KCNJ14: variants seen among roughly 807,000 people sequenced by gnomAD.
KCNJ14 encodes ATP-sensitive inward rectifier potassium channel 14.
In KCNJ14, 18 loss-of-function variants were observed where a neutral mutation model predicts 24.5. The observed-to-expected ratio is 0.74, with a 90% CI of 0.51 to 1.09. The LOEUF is 1.09. KCNJ14 is among the 50% of genes least tolerant of loss of function. The probability of loss-of-function intolerance (pLI) is 0.00; values close to 1 mark genes in which losing one functional copy is unlikely to be tolerated. For synonymous variants in KCNJ14, 288 were observed against 270.8 expected, an observed-to-expected ratio of 1.06 and a Z score of -0.63; for missense variants, 633 against 623.0, an observed-to-expected ratio of 1.02 and a Z score of -0.17.
At position 48,464,450 on chromosome 19, in the gene KCNJ14, CCAT is replaced by C. The variant is rs1264815099; in HGVS notation, c.986_988del (p.His329del). 6.2e-7 allele frequency: 1 copy of C among 1,613,892 alleles called. No homozygotes were observed. The highest frequency in any genetic ancestry group is 1.7e-5 in the Admixed American group (1 of 59,954). Reference sequence around the variant, plus strand: ...ACCTCCCTGGTGAACTGCTCTGGGGCCATCGTTTTGAGCCAGTTCTCTTCCAGC... The same window carrying C: ...ACCTCCCTGGTGAACTGCTCTGGGGCCGTTTTGAGCCAGTTCTCTTCCAGC... On this transcript the variant is annotated inframe_deletion, in exon 3 of 3. Coordinates refer to ENST00000342291, the MANE Select transcript of KCNJ14 (RefSeq NM_013348.4).
In KCNJ14 at chr19:48,466,153, C is replaced by G. The variant is rs902345402; in HGVS notation, c.*1376C>G. 1.3e-5 allele frequency: 2 copies of G among 150,882 alleles called. No individual in the cohort carries two copies. Among genetic ancestry groups the G allele is most frequent in the African/African-American group, 4.9e-5 (2 of 40,998 alleles). 9.3% of individuals were successfully genotyped at this position (150,882 alleles called of 1,614,324 possible). ...GGAGTGCAATGGCGTGATCTCAGCT[C>G]ACTGCAACCTCCGCCTCCCGGCTTC... On this transcript the variant is annotated 3_prime_UTR_variant, in exon 3 of 3. Transcript: ENST00000342291.
intron 1 of KCNJ14, among the ~76,000 whole-genome samples, chr19:48,459,022 C>T (rs1328060262): frequency 2.7e-5 from 4 of 148,898 alleles, no homozygotes; most frequent in African/African-American, 9.9e-5. Flanking sequence ...AGGCGGATCA[C>T]GAGGTCAGGA....
In KCNJ14 at chr19:48,461,547, AAAAT is replaced by A; in HGVS notation, c.-55-122_-55-119del. ...TGTCTCCAAAAAAAAAAAAAAAAAA[AAAAT>A]GCGTATCGTTCCACCTATTTGACAG... On this transcript the variant is annotated intron_variant, in intron 1 of 2. Coordinates refer to ENST00000342291, the MANE Select transcript of KCNJ14 (RefSeq NM_013348.4). 5 of 398,200 alleles carry A rather than the reference AAAAT, an allele frequency of 1.3e-5. No individual in the cohort carries two copies. The South Asian group carries it at 3.2e-4, about 26-fold the overall frequency. The allele number at this position is 398,200 out of a possible 1,614,324, so 24.7% of individuals were successfully genotyped here.
chr19:48,466,957 C>T lies in KCNJ14; in HGVS notation c.*2180C>T, dbSNP rs1971659626. ...GTGTTTTAGGGGGAGACCTGTCCCC[C>T]AGATTAAAGAACTGGGAGCCCTAGC... is the stretch of plus-strand genomic sequence containing the variant. On this transcript the variant is annotated 3_prime_UTR_variant, in exon 3 of 3. Transcript: ENST00000342291. 6.6e-6 allele frequency: 1 copy of T among 152,226 alleles called. No individual in the cohort carries two copies. The highest frequency in any genetic ancestry group is 1.5e-5 in the Non-Finnish European group (1 of 68,056). 9.4% of individuals were successfully genotyped at this position (152,226 alleles called of 1,614,324 possible).
chr19:48,464,090 C>T (rs1971628983), intron 2 of KCNJ14, 91 bp from the exon 3 acceptor site: 3 of 913,124 alleles, frequency 3.3e-6, no homozygotes, highest in South Asian at 2.9e-5. Context: ...TGGTCTTTGC[C>T]TTCTTTCTCT....
chr19:48,462,315 G>T lies in KCNJ14; in HGVS notation c.591G>T (p.Thr197=), dbSNP rs376747285. ...KMAKPKKRNE[T]LVFSENAVVA... The stretch of plus-strand genomic sequence containing the variant: ...CCAAACCCAAGAAGCGCAACGAGAC[G>T]CTGGTCTTCAGCGAGAACGCCGTCG... The change falls in exon 2 of 3, where the codon ACG becomes ACT. Residue 197 remains threonine (T), a synonymous_variant. Transcript: ENST00000342291. This position sits in a 1 kb window ranked among gnomAD's most constrained non-coding sequence, Gnocchi z 4.9. The T allele has an allele frequency of 6.5e-7, 1 of 1,548,040 alleles. No homozygotes were observed. The highest frequency in any genetic ancestry group is 8.7e-7 in the Non-Finnish European group (1 of 1,144,174).
In KCNJ14 at chr19:48,458,753, A is replaced by G. The variant is rs113924308; in HGVS notation, c.-56+2895A>G. 3.0e-4 allele frequency among the ~76,000 whole-genome samples: 45 copies of G among 152,120 alleles called. 3 individuals are homozygous for G. Among genetic ancestry groups the G allele is most frequent in the African/African-American group, 1.1e-3 (44 of 41,506 alleles). ...ATTGGGTTATTTGGCACTAGCCCAC[A>G]TCGTGAAACCCTGTCTCTACTAAAA... On this transcript the variant is annotated intron_variant, in intron 1 of 2. Transcript: ENST00000342291.
At position 48,464,597 on chromosome 19, in the gene KCNJ14, C is replaced by T; in HGVS notation, c.1131C>T (p.Leu377=). 1.9e-6 allele frequency: 3 copies of T among 1,614,170 alleles called. No individual in the cohort carries two copies. Among genetic ancestry groups the T allele is most frequent in the Non-Finnish European group, 2.5e-6 (3 of 1,180,026 alleles). The change falls in exon 3 of 3, where the codon CTC becomes CTT. Residue 377 remains leucine (L), a synonymous_variant. Transcript: ENST00000342291. The stretch of plus-strand genomic sequence containing the variant: ...GGGCAGAGCAGGCTTCCCACAGCCT[C>T]AAGTCTAGTTTCCCCGGCTCTCTGA... The part of the protein sequence containing the change: ...DERAEQASHS[L]KSSFPGSLTA...
chr19:48,462,005 C>A lies in KCNJ14; in HGVS notation c.281C>A (p.Ser94Tyr). ...TGGCGCTGGATGTGCCTGCTCTTCTCCTGCTCCTTCCTCGCCTCCTGGCTG... is the reference window on the plus strand; with the variant it reads ...TGGCGCTGGATGTGCCTGCTCTTCTACTGCTCCTTCCTCGCCTCCTGGCTG... Reference protein sequence around the residue: ...VRWRWMCLLFSCSFLASWLLF... With the variant: ...VRWRWMCLLFYCSFLASWLLF... The change falls in exon 2 of 3, where the codon TCC becomes TAC. Residue 94 changes from serine (S) to tyrosine (Y), a missense_variant. Transcript: ENST00000342291. The surrounding 1 kb of genome is among the most constrained non-coding windows in gnomAD (Gnocchi z 4.9). 1 of 1,612,810 alleles carries A rather than the reference C, an allele frequency of 6.2e-7. No individual in the cohort carries two copies.
At chr19:48,458,144 C>T (rs912366654) in intron 1 of KCNJ14, among the ~76,000 whole-genome samples, 20 of 152,270 alleles carry the variant, frequency 1.3e-4, no homozygotes, top group African/African-American at 4.8e-4. Context: ...ATGAGTAATG[C>T]TGCTGTGAAC....
chr19:48,463,808 C>G (rs1284597387), intron 2 of KCNJ14, among the ~76,000 whole-genome samples: 1 of 152,182 alleles, frequency 6.6e-6, no homozygotes. Context: ...TTCTGTGTCT[C>G]TATGCCAATA....
intron 1 of KCNJ14, among the ~76,000 whole-genome samples, chr19:48,460,247 TATTTA>T (rs1971580547): frequency 6.7e-6 from 1 of 149,762 alleles, no homozygotes; most frequent in Non-Finnish European, 1.5e-5. Context: ...AAGTTTTATT[TATTTA>T]TTTTTTTTGA....
chr19:48,460,306 C>T (rs1350264502), intron 1 of KCNJ14, among the ~76,000 whole-genome samples: 1 of 151,854 alleles, frequency 6.6e-6, no homozygotes, highest in African/African-American at 2.4e-5. Flanking sequence ...TGCAATGGCA[C>T]GATCTCGGCT....
chr19:48,463,236 T>A (rs1681426826), intron 2 of KCNJ14, among the ~76,000 whole-genome samples: 2 of 151,962 alleles, frequency 1.3e-5, no homozygotes, highest in Non-Finnish European at 1.5e-5. Flanking sequence ...CCAAGTAAAG[T>A]GACTTTAGGA....
At chr19:48,459,084 CA>C (rs1009182492) in intron 1 of KCNJ14, among the ~76,000 whole-genome samples, 3 of 149,696 alleles carry the variant, frequency 2.0e-5, no homozygotes, top group East Asian at 2.0e-4. Context: ...ACTAAAAATA[CA>C]AAAAAAATTA....
rs763139395 is a variant in KCNJ14 at position 48,464,276 on chromosome 19, C to T, written c.810C>T (p.Ser270=). ...DGGTDRIFLV[S]PITIVHEIDS... is the part of the protein sequence containing the mutation. ...GCACCGATCGTATCTTCCTCGTGTC[C>T]CCCATCACCATCGTCCATGAGATCG... is the stretch of plus-strand genomic sequence containing the variant. Residue 270 remains serine, a synonymous_variant, in exon 3 of 3, where the codon TCC becomes TCT. Coordinates refer to ENST00000342291, the MANE Select transcript of KCNJ14 (RefSeq NM_013348.4). 1.2e-6 allele frequency: 2 copies of T among 1,614,030 alleles called. No individual in the cohort carries two copies. The highest frequency in any genetic ancestry group is 1.7e-6 in the Non-Finnish European group (2 of 1,179,986).
At position 48,455,576 on chromosome 19, in the gene KCNJ14, G is replaced by T. The variant is rs1971529451; in HGVS notation, c.-338G>T. ...GGGGAGGGGGGTGCCCTGAGCCTGAGTCGCAGCCAGCCTGGGAGCTGGGCC... is the reference window on the plus strand; with the variant it reads ...GGGGAGGGGGGTGCCCTGAGCCTGATTCGCAGCCAGCCTGGGAGCTGGGCC... On this transcript the variant is annotated 5_prime_UTR_variant, in exon 1 of 3. Coordinates refer to ENST00000342291, the MANE Select transcript of KCNJ14 (RefSeq NM_013348.4). 6.6e-6 allele frequency: 1 copy of T among 152,236 alleles called. No individual in the cohort carries two copies. Among genetic ancestry groups the T allele is most frequent in the Non-Finnish European group, 1.5e-5 (1 of 68,072 alleles). The allele number at this position is 152,236 out of a possible 1,614,324, so 9.4% of individuals were successfully genotyped here.
At position 48,461,550 on chromosome 19, in the gene KCNJ14, A is replaced by AAAAAAAG. The variant is rs370425889; in HGVS notation, c.-55-120_-55-119insAAAAAAG. The AAAAAAAG allele has an allele frequency of 8.7e-4, 304 of 351,378 alleles. 26 individuals are homozygous for AAAAAAAG. Among genetic ancestry groups the AAAAAAAG allele is most frequent in the African/African-American group, 6.4e-3 (208 of 32,664 alleles). The allele number at this position is 351,378 out of a possible 1,614,324, so 21.8% of individuals were successfully genotyped here. A position where few individuals can be genotyped will look rare whatever the true frequency, so the allele number is the denominator to read the frequency against. On this transcript the variant is annotated intron_variant, in intron 1 of 2. Coordinates refer to ENST00000342291, the MANE Select transcript of KCNJ14 (RefSeq NM_013348.4). Reference sequence around the variant, plus strand: ...CTCCAAAAAAAAAAAAAAAAAAAAAATGCGTATCGTTCCACCTATTTGACA... The same window carrying AAAAAAAG: ...CTCCAAAAAAAAAAAAAAAAAAAAAAAAAAAAGTGCGTATCGTTCCACCTATTTGACA...
intron 1 of KCNJ14, among the ~76,000 whole-genome samples, chr19:48,458,239 A>G (rs1480868961): frequency 2.6e-5 from 4 of 152,152 alleles, no homozygotes; most frequent in African/African-American, 4.8e-5. Context: ...TGGTAATTCT[A>G]TGTTTAACCA....
Sources: allele counts gnomAD v4.1 joint callset (sites outside exome capture counted in the v4.1 genomes callset), GRCh38; gene constraint gnomAD v4.1.1; non-coding constraint Gnocchi (gnomAD v3.1); transcripts MANE v1.5; gene names NCBI Gene and HGNC (gene_info 2026-07-23, HGNC 2026-07-21).